The following ACMSD variants were observed in gnomAD, a reference collection of about 807,000 sequenced individuals.
ACMSD encodes aminocarboxymuconate semialdehyde decarboxylase.
Under a neutral mutation model 45.9 loss-of-function variants are expected in ACMSD, and 37 were observed. The ratio of observed to expected loss-of-function variants is 0.81; its 90% CI spans 0.62 to 1.06. The LOEUF (loss-of-function observed/expected upper bound fraction) is 1.06, where lower values mean the gene tolerates loss of function less well. ACMSD is among the 50% of genes least tolerant of loss of function. ACMSD has a pLI of 0.00. For synonymous variants in ACMSD, 138 were observed against 148.8 expected (o/e 0.93, Z 0.53); for missense variants, 434 against 420.9 (o/e 1.03, Z -0.27).
chr2:134,839,997 T>C (rs1267440322), intron 1 of ACMSD, among the ~76,000 whole-genome samples: 1 of 151,518 alleles, frequency 6.6e-6, no homozygotes, highest in East Asian at 1.9e-4. Context: ...CGCCCACCAC[T>C]TTCTACCCCT....
chr2:134,863,553 G>T lies in ACMSD; in HGVS notation c.408G>T (p.Leu136=). 6.2e-7 allele frequency: 1 copy of T among 1,614,184 alleles called. No homozygotes were observed. Among genetic ancestry groups the T allele is most frequent in the Non-Finnish European group, 8.5e-7 (1 of 1,179,998 alleles). ...AGATGGAGCGCTGTGTGAAAGAGCT[G>T]GGCTTTCCCGGGGTCCAAATTGGCA... The part of the protein sequence containing the change: ...VKEMERCVKE[L]GFPGVQIGTH... Residue 136 remains leucine (L), a synonymous_variant, in exon 5 of 10, where the codon CTG becomes CTT. Transcript: ENST00000356140.
At chr2:134,876,079 A>G (rs578033049) in intron 8 of ACMSD, among the ~76,000 whole-genome samples, 2 of 152,334 alleles carry the variant, frequency 1.3e-5, no homozygotes, top group South Asian at 2.1e-4. Context: ...ATAAGATGTA[A>G]AAGATGAAAA....
At position 134,872,585 on chromosome 2, in the gene ACMSD, G is replaced by T. The variant is rs1559055829; in HGVS notation, c.793G>T (p.Asp265Tyr). The T allele has an allele frequency of 1.2e-6, 2 of 1,614,136 alleles. No individual in the cohort carries two copies. The highest frequency in any genetic ancestry group is 1.7e-6 in the Non-Finnish European group (2 of 1,180,018). The part of the protein sequence containing the change: ...PKKYLGSFYT[D>Y]ALVHDPLSLK... ...GAAATACCTTGGTTCCTTTTACACA[G>T]ATGCTTTGGTTCATGATCCTCTGTC... Residue 265 changes from aspartate (D) to tyrosine (Y), a missense_variant, in exon 8 of 10, where the codon GAT becomes TAT. Transcript: ENST00000356140.
intron 8 of ACMSD, among the ~76,000 whole-genome samples, chr2:134,894,818 C>T (rs941101866): frequency 3.9e-5 from 6 of 152,024 alleles, no homozygotes; most frequent in East Asian, 1.9e-4. Context: ...GCAATTGAGA[C>T]GGCTTTGTAT....
At position 134,872,587 on chromosome 2, in the gene ACMSD, T is replaced by C. The variant is rs766274212; in HGVS notation, c.795T>C (p.Asp265=). The C allele has an allele frequency of 6.8e-6, 11 of 1,614,198 alleles. No individual in the cohort carries two copies. The highest frequency in any genetic ancestry group is 6.6e-5 in the South Asian group (6 of 91,090). The change falls in exon 8 of 10, where the codon GAT becomes GAC. Residue 265 remains aspartate (D), a synonymous_variant. Coordinates refer to ENST00000356140, the MANE Select transcript of ACMSD (RefSeq NM_138326.3). The stretch of plus-strand genomic sequence containing the variant: ...AATACCTTGGTTCCTTTTACACAGA[T>C]GCTTTGGTTCATGATCCTCTGTCCC... ...PKKYLGSFYT[D]ALVHDPLSLK...
At chr2:134,844,749 G>A (rs1033698458) in intron 1 of ACMSD, among the ~76,000 whole-genome samples, 26 of 152,178 alleles carry the variant, frequency 1.7e-4, no homozygotes, top group African/African-American at 6.3e-4. Context: ...AAAGGGATAT[G>A]AGCGGGACAC....
At chr2:134,895,337 T>TATATGTTATATATATATATAA (rs1458043532) in intron 8 of ACMSD, among the ~76,000 whole-genome samples, 3 of 145,798 alleles carry the variant, frequency 2.1e-5, no homozygotes, top group Admixed American at 6.9e-5. Flanking sequence ...GTTATATATA[T>TATATGTTATATATATATATAA]AATATATATA....
At chr2:134,890,828 TGTCA>T (rs527675950) in intron 8 of ACMSD, among the ~76,000 whole-genome samples, 15 of 152,138 alleles carry the variant, frequency 9.9e-5, no homozygotes, top group African/African-American at 3.6e-4. Flanking sequence ...GCAACATTTC[TGTCA>T]GTTTGAAATT....
At chr2:134,865,757 T>C (rs773515275) in intron 5 of ACMSD, among the ~76,000 whole-genome samples, 8 of 152,204 alleles carry the variant, frequency 5.3e-5, no homozygotes, top group Non-Finnish European at 1.2e-4. Context: ...CCTCCCTTTT[T>C]AGTGAGTAAA....
intron 8 of ACMSD, among the ~76,000 whole-genome samples, chr2:134,877,997 G>C (rs948701911): frequency 6.6e-6 from 1 of 152,030 alleles, no homozygotes; most frequent in Non-Finnish European, 1.5e-5. Context: ...TACCAAGACT[G>C]CCCCAAAAGT....
chr2:134,870,492 G>T (rs1452179254), intron 6 of ACMSD, among the ~76,000 whole-genome samples: 1 of 152,162 alleles, frequency 6.6e-6, no homozygotes, highest in Non-Finnish European at 1.5e-5. Flanking sequence ...CCTCCATTGT[G>T]AAGTTCTGTC....
At chr2:134,860,074 C>T (rs958156077) in intron 3 of ACMSD, among the ~76,000 whole-genome samples, 2 of 152,120 alleles carry the variant, frequency 1.3e-5, no homozygotes, top group African/African-American at 4.8e-5. Flanking sequence ...ACCAGCCTGG[C>T]CAACATGGCA....
At chr2:134,872,777 T>C in intron 8 of ACMSD, 136 bp downstream of exon 8, 3 of 1,083,844 alleles carry the variant, frequency 2.8e-6, no homozygotes, top group South Asian at 3.0e-5. Flanking sequence ...ACAGTGAGGT[T>C]TGGGATTAGG....
rs193256678 is a variant in ACMSD, at chr2:134,841,947, G to C, written c.57+3208G>C. Among the ~76,000 whole-genome samples the C allele has an allele frequency of 3.2e-3, 492 of 152,258 alleles. 1 individual carries two copies. Among genetic ancestry groups the C allele is most frequent in the African/African-American group, 0.01 (433 of 41,546 alleles). On this transcript the variant is annotated intron_variant, in intron 1 of 9. Coordinates refer to ENST00000356140, the MANE Select transcript of ACMSD (RefSeq NM_138326.3). ...GATAAATATCTGGTTTCATCACCCA[G>C]GAGGCTCATTATTCACCTCATGGAG...
chr2:134,873,165 T>A (rs1472033517), intron 8 of ACMSD: 1 of 158,282 alleles, frequency 6.3e-6, no homozygotes. Flanking sequence ...TGATGAAGGG[T>A]CTTGTGTATC....
At chr2:134,844,579 T>G (rs1006625836) in intron 1 of ACMSD, 4 of 153,398 alleles carry the variant, frequency 2.6e-5, no homozygotes, top group African/African-American at 9.7e-5. Flanking sequence ...AATTATCTGT[T>G]AAGGGCGTTG....
intron 5 of ACMSD, 183 bp from the exon 6 acceptor site, chr2:134,867,396 T>C (rs1688150048): frequency 2.5e-6 from 1 of 392,574 alleles, no homozygotes; most frequent in Non-Finnish European, 4.5e-6. Flanking sequence ...CCTTTTATTT[T>C]CTAAGCAGGA....
intron 9 of ACMSD, 39 bp downstream of exon 9, chr2:134,898,478 T>C: frequency 6.9e-7 from 1 of 1,452,192 alleles, no homozygotes; most frequent in Non-Finnish European, 9.3e-7. Flanking sequence ...TTACTGACTT[T>C]TCCTGCTCTA....
At chr2:134,901,547 G>T (rs900469050) in intron 9 of ACMSD, among the ~76,000 whole-genome samples, 4 of 152,036 alleles carry the variant, frequency 2.6e-5, no homozygotes, top group African/African-American at 9.7e-5. Flanking sequence ...TCCAAACAAG[G>T]GCACCTCCTA....
Sources: gnomAD v4.1 joint callset for allele counts (sites outside exome capture counted in the v4.1 genomes callset) on GRCh38, gnomAD v4.1.1 for gene constraint, MANE v1.5 for transcripts, NCBI Gene and HGNC (gene_info 2026-07-23, HGNC 2026-07-21) for gene names.